Variants in MAST4 observed in about 807,000 individuals in gnomAD.
MAST4 encodes the protein microtubule associated serine/threonine kinase family member 4.
Under a neutral mutation model 162.7 loss-of-function variants are expected in MAST4, and 89 were observed. The observed-to-expected ratio is 0.55, with a 90% CI of 0.46 to 0.65. The LOEUF is 0.65. MAST4 is among the 30% of genes least tolerant of loss of function. MAST4 has a pLI of 0.00. For missense variants in MAST4, 3,153 were observed against 3,374.0 expected, an observed-to-expected ratio of 0.93 and a Z score of 1.62; for synonymous variants, 1,479 against 1,361.1, an observed-to-expected ratio of 1.09 and a Z score of -1.91.
intron 1 of MAST4, among the ~76,000 whole-genome samples, chr5:66,685,242 G>T (rs757763491): frequency 1.3e-5 from 2 of 150,830 alleles, no homozygotes; most frequent in Non-Finnish European, 3.0e-5. Flanking sequence ...CAGCCTGGGT[G>T]ACAGAGTGAG....
At chr5:66,909,068 G>A (rs1763569702) in intron 4 of MAST4, among the ~76,000 whole-genome samples, 1 of 152,066 alleles carries the variant, frequency 6.6e-6, no homozygotes, top group Non-Finnish European at 1.5e-5. Flanking sequence ...TTGTCCTGTT[G>A]AGTTAGACAA....
At chr5:66,907,594 G>A (rs371974191) in intron 4 of MAST4, among the ~76,000 whole-genome samples, 9,328 of 37,008 alleles carry the variant, frequency 0.25, 369 homozygotes, top group Admixed American at 0.37. Context: ...ATGCGTGTGT[G>A]TGTGTGTGTG....
intron 4 of MAST4, among the ~76,000 whole-genome samples, chr5:66,987,116 G>T (rs966984864): frequency 6.6e-6 from 1 of 151,298 alleles, no homozygotes; most frequent in Admixed American, 6.6e-5. Context: ...TTTAGCTGAG[G>T]TTTTTTTTTA....
chr5:67,141,785 G>A (rs1403568664), intron 19 of MAST4, among the ~76,000 whole-genome samples: 2 of 152,090 alleles, frequency 1.3e-5, no homozygotes, highest in Non-Finnish European at 2.9e-5. Context: ...AGTCTGCTGT[G>A]GGCCAATATT....
chr5:66,818,725 G>T (rs903422002), intron 3 of MAST4, among the ~76,000 whole-genome samples: 1 of 152,196 alleles, frequency 6.6e-6, no homozygotes, highest in Admixed American at 6.5e-5. Flanking sequence ...TGCTGCAGTG[G>T]TGATGAGAAG....
chr5:66,906,508 A>G (rs568584169), intron 4 of MAST4, among the ~76,000 whole-genome samples: 2 of 152,132 alleles, frequency 1.3e-5, no homozygotes, highest in African/African-American at 4.8e-5. Flanking sequence ...TAGGAGGTCA[A>G]TCCCCTCTGA....
At chr5:66,924,652 C>A (rs925780438) in intron 4 of MAST4, among the ~76,000 whole-genome samples, 1 of 152,108 alleles carries the variant, frequency 6.6e-6, no homozygotes, top group Admixed American at 6.5e-5. Context: ...CTCTGCCCCC[C>A]AAAGTGGTGG....
intron 1 of MAST4, among the ~76,000 whole-genome samples, chr5:66,749,129 G>C (rs1200923388): frequency 1.3e-5 from 2 of 152,088 alleles, no homozygotes; most frequent in Non-Finnish European, 2.9e-5. Context: ...AGGGAGACTT[G>C]AGCTGAGCCT....
intron 10 of MAST4, among the ~76,000 whole-genome samples, chr5:67,106,191 A>G (rs746984482): frequency 1.3e-5 from 2 of 151,574 alleles, no homozygotes; most frequent in African/African-American, 2.4e-5. Context: ...TCTCCTAGGG[A>G]TCTTGTCAGC....
intron 1 of MAST4, among the ~76,000 whole-genome samples, chr5:66,635,034 T>C (rs1217891573): frequency 1.3e-5 from 2 of 152,348 alleles, no homozygotes. Context: ...TGGGCCTTCC[T>C]TCACAAGTGA....
intron 1 of MAST4, among the ~76,000 whole-genome samples, chr5:66,721,456 C>G (rs1488512954): frequency 6.6e-6 from 1 of 152,054 alleles, no homozygotes; most frequent in Non-Finnish European, 1.5e-5. Flanking sequence ...CACTTGGCCT[C>G]TGGGACACCT....
At chr5:66,841,689 A>G (rs1758440017) in intron 3 of MAST4, among the ~76,000 whole-genome samples, 1 of 152,160 alleles carries the variant, frequency 6.6e-6, no homozygotes, top group Non-Finnish European at 1.5e-5. Context: ...CAAAGGCCCC[A>G]TCTCTAAATG....
intron 1 of MAST4, among the ~76,000 whole-genome samples, chr5:66,711,959 C>T (rs1049251021): frequency 4.6e-5 from 7 of 152,118 alleles, no homozygotes; most frequent in East Asian, 3.8e-4. Context: ...CATAGAATAA[C>T]GTTCACCAGT....
intron 4 of MAST4, among the ~76,000 whole-genome samples, chr5:67,013,668 C>A (rs1752949688): frequency 6.6e-6 from 1 of 151,484 alleles, no homozygotes; most frequent in South Asian, 2.1e-4. Context: ...ACATAAAAAT[C>A]ACTTATGCCC....
rs1297985926 is a variant in MAST4, at chr5:67,131,960, A to G, written c.2093+9A>G. ...GATTTGAAACCAGACAAGTATGTAC[A>G]CAAATGAAATATATGTCTTCTTTTG... On this transcript the variant is annotated intron_variant, in intron 16 of 28. Transcript: ENST00000403625. The G allele has an allele frequency of 2.5e-6, 4 of 1,609,722 alleles. No individual in the cohort carries two copies.
chr5:66,618,205 G>A (rs772796305), intron 1 of MAST4, among the ~76,000 whole-genome samples: 4 of 152,180 alleles, frequency 2.6e-5, no homozygotes, highest in African/African-American at 9.6e-5. Context: ...CAGGAACTAC[G>A]CTAGATGTTT....
At chr5:67,124,781 T>A (rs1768012089) in intron 14 of MAST4, among the ~76,000 whole-genome samples, 1 of 152,196 alleles carries the variant, frequency 6.6e-6, no homozygotes, top group Non-Finnish European at 1.5e-5. Context: ...AAGCAGAAAG[T>A]CAAACAAAGT....
In MAST4 at chr5:66,899,910, A is replaced by T. The variant is rs368236459; in HGVS notation, c.643-41A>T. ...TTTGGTATCCTAGTAATCTAAGGTTAATGCAGCATTGCTTATATATGGTTT... is the reference window on the plus strand; with the variant it reads ...TTTGGTATCCTAGTAATCTAAGGTTTATGCAGCATTGCTTATATATGGTTT... On this transcript the variant is annotated intron_variant, in intron 3 of 28. Transcript: ENST00000403625. 6.5e-4 allele frequency: 947 copies of T among 1,462,970 alleles called. 13 individuals carry two copies. In the South Asian group the frequency reaches 0.012, roughly 19 times the overall value. The allele number at this position is 1,462,970 out of a possible 1,614,324, so 90.6% of individuals were successfully genotyped here.
At chr5:66,847,790 C>T (rs1386864120) in intron 3 of MAST4, among the ~76,000 whole-genome samples, 2 of 119,068 alleles carry the variant, frequency 1.7e-5, no homozygotes, top group Non-Finnish European at 3.2e-5. Context: ...CACTACTCTC[C>T]AGCCTGGGTG....
Sources: allele counts gnomAD v4.1 joint callset (sites outside exome capture counted in the v4.1 genomes callset), GRCh38; gene constraint gnomAD v4.1.1; transcripts MANE v1.5; gene names NCBI Gene and HGNC (gene_info 2026-07-23, HGNC 2026-07-21).